The following LINGO2 variants were observed in gnomAD, a reference collection of about 807,000 sequenced individuals.
The protein encoded by LINGO2 is leucine rich repeat and Ig domain containing 2, also known as leucine-rich repeat and immunoglobulin-like domain-containing nogo receptor-interacting protein 2.
Under a neutral mutation model 30.6 loss-of-function variants are expected in LINGO2, and 14 were observed. The observed-to-expected ratio is 0.46, with a 90% CI of 0.30 to 0.72. LINGO2 has a LOEUF of 0.72. Ranked by LOEUF, LINGO2 falls within the 30% of genes least tolerant of loss-of-function variation. The probability of loss-of-function intolerance (pLI) is 0.07; values close to 1 mark genes in which losing one functional copy is unlikely to be tolerated. For missense variants in LINGO2, 729 were observed against 751.7 expected, an observed-to-expected ratio of 0.97 and a Z score of 0.35; for synonymous variants, 317 against 288.5, an observed-to-expected ratio of 1.10 and a Z score of -1.00.
At chr9:28,522,761 G>C (rs546239340) in intron 1 of LINGO2, among the ~76,000 whole-genome samples, 40 of 152,164 alleles carry the variant, frequency 2.6e-4, no homozygotes, top group African/African-American at 9.6e-4. Flanking sequence ...TTCGAAATTT[G>C]TAACCCAATA....
chr9:29,147,495 C>A, the LINGO2 span, among the ~76,000 whole-genome samples: 151,699 of 152,188 alleles, frequency 1, 75,606 homozygotes, highest in Middle Eastern at 1. Flanking sequence ...TGCAAGATGC[C>A]TCACAAAAAG....
At chr9:28,711,260 G>A in the LINGO2 span, among the ~76,000 whole-genome samples, 1 of 151,818 alleles carries the variant, frequency 6.6e-6, no homozygotes, top group African/African-American at 2.4e-5. Context: ...TATATTTTAG[G>A]GCTAACCCTA....
At chr9:28,172,562 C>T (rs539909101) in intron 4 of LINGO2, among the ~76,000 whole-genome samples, 6 of 152,240 alleles carry the variant, frequency 3.9e-5, no homozygotes, top group Non-Finnish European at 7.4e-5. Context: ...TGATTAAAAA[C>T]ACATTAATTC....
At chr9:28,235,764 A>G (rs916550629) in intron 4 of LINGO2, among the ~76,000 whole-genome samples, 22 of 152,202 alleles carry the variant, frequency 1.4e-4, no homozygotes, top group Non-Finnish European at 2.6e-4. Flanking sequence ...GAGTTTGAAA[A>G]CAGGCTATTT....
At chr9:29,143,515 T>C in the LINGO2 span, among the ~76,000 whole-genome samples, 1 of 152,054 alleles carries the variant, frequency 6.6e-6, no homozygotes, top group Non-Finnish European at 1.5e-5. Flanking sequence ...TACACATATA[T>C]AATGAAATAC....
At chr9:28,444,571 G>T (rs1824341221) in intron 2 of LINGO2, among the ~76,000 whole-genome samples, 1 of 152,206 alleles carries the variant, frequency 6.6e-6, no homozygotes, top group African/African-American at 2.4e-5. Context: ...CCCAAGCCAG[G>T]GCTGTGACAG....
In LINGO2 at chr9:28,130,531, G is replaced by A. The variant is rs1196936074; in HGVS notation, c.-86-118126C>T. Among the ~76,000 whole-genome samples the A allele has an allele frequency of 1.3e-5, 2 of 152,106 alleles. No individual in the cohort carries two copies. The highest frequency in any genetic ancestry group is 1.9e-4 in the East Asian group (1 of 5,188). ...TCTGTTAGAAATACCTGTAGAAATA[G>A]GACATTGCTCCTATGTCAAGGAGTT... On this transcript the variant is annotated intron_variant, in intron 4 of 5. Coordinates refer to ENST00000379992, the Ensembl canonical transcript of LINGO2. This position sits in a 1 kb window ranked among gnomAD's most constrained non-coding sequence, Gnocchi z 5.2.
the LINGO2 span, among the ~76,000 whole-genome samples, chr9:29,075,486 A>G: frequency 3.3e-5 from 5 of 152,168 alleles, no homozygotes; most frequent in African/African-American, 1.2e-4. Flanking sequence ...TCCTCTGCTC[A>G]AATCCCTCCC....
chr9:28,357,691 G>A (rs1333774858), intron 3 of LINGO2, among the ~76,000 whole-genome samples: 1 of 151,934 alleles, frequency 6.6e-6, no homozygotes, highest in Non-Finnish European at 1.5e-5. Context: ...TAATAATGAG[G>A]CATCATTTTT....
At chr9:28,628,361 A>G (rs1339071088) in intron 1 of LINGO2, among the ~76,000 whole-genome samples, 1 of 152,126 alleles carries the variant, frequency 6.6e-6, no homozygotes, top group East Asian at 1.9e-4. Flanking sequence ...AGGCTGTGTC[A>G]GAGTTTGCAG....
the LINGO2 span, among the ~76,000 whole-genome samples, chr9:28,820,292 G>A: frequency 6.7e-6 from 1 of 150,276 alleles, no homozygotes; most frequent in Non-Finnish European, 1.5e-5. Flanking sequence ...AGAAGACCAC[G>A]TGTGTCACCC....
At chr9:28,240,058 T>C (rs1821726559) in intron 4 of LINGO2, among the ~76,000 whole-genome samples, 1 of 151,960 alleles carries the variant, frequency 6.6e-6, no homozygotes, top group Admixed American at 6.6e-5. Context: ...ATAAAAAATC[T>C]AGGAATTAAC....
chr9:28,202,509 T>C (rs1481379511), intron 4 of LINGO2, among the ~76,000 whole-genome samples: 4 of 152,182 alleles, frequency 2.6e-5, no homozygotes, highest in Non-Finnish European at 5.9e-5. Flanking sequence ...AATTAGTTTT[T>C]AGGGTGACAA....
the LINGO2 span, among the ~76,000 whole-genome samples, chr9:29,030,279 G>C: frequency 7.5e-6 from 1 of 132,888 alleles, no homozygotes; most frequent in Non-Finnish European, 1.7e-5. Context: ...CTGAAACACT[G>C]GCCCCAATTA....
At chr9:29,173,973 T>C in the LINGO2 span, among the ~76,000 whole-genome samples, 1 of 152,122 alleles carries the variant, frequency 6.6e-6, no homozygotes, top group Admixed American at 6.5e-5. Flanking sequence ...ATGTGTGTTT[T>C]ACTGTGTCAA....
chr9:29,047,707 C>T, the LINGO2 span, among the ~76,000 whole-genome samples: 1 of 152,084 alleles, frequency 6.6e-6, no homozygotes, highest in Non-Finnish European at 1.5e-5. Flanking sequence ...ATTATATGAT[C>T]TTATATTTGG....
intron 1 of LINGO2, among the ~76,000 whole-genome samples, chr9:28,508,954 T>C (rs1820261385): frequency 6.6e-6 from 1 of 152,068 alleles, no homozygotes. Flanking sequence ...GCAGTATGCA[T>C]GCCATACTAC....
At chr9:29,133,994 T>C in the LINGO2 span, among the ~76,000 whole-genome samples, 3 of 152,188 alleles carry the variant, frequency 2.0e-5, no homozygotes, top group African/African-American at 7.2e-5. Flanking sequence ...TTATAAGTAA[T>C]AATATAAGGC....
chr9:28,992,761 G>A, the LINGO2 span, among the ~76,000 whole-genome samples: 1 of 151,900 alleles, frequency 6.6e-6, no homozygotes, highest in East Asian at 1.9e-4. Flanking sequence ...CTCCTGAGTG[G>A]CTACTGGGTA....
Sources: allele counts gnomAD v4.1 joint callset (sites outside exome capture counted in the v4.1 genomes callset), GRCh38; gene constraint gnomAD v4.1.1; non-coding constraint Gnocchi (gnomAD v3.1); transcripts MANE v1.5; gene names NCBI Gene and HGNC (gene_info 2026-07-23, HGNC 2026-07-21).